Variants in SMIM35 observed in about 807,000 individuals in gnomAD.
SMIM35 encodes the protein small integral membrane protein 35, also known as TMPRSS4 antisense RNA 1 (non-protein coding).
chr11:118,031,138 T>C (rs1287694557), intron 1 of SMIM35, among the ~76,000 whole-genome samples: 1 of 152,176 alleles, frequency 6.6e-6, no homozygotes, highest in African/African-American at 2.4e-5. Flanking sequence ...ACACCTAGAA[T>C]AAATTTCGTG....
chr11:118,022,522 A>C (rs1363222339), intron 1 of SMIM35, among the ~76,000 whole-genome samples: 1 of 152,260 alleles, frequency 6.6e-6, no homozygotes, highest in African/African-American at 2.4e-5. Flanking sequence ...TGGGTAAAAG[A>C]AGATATCACA....
At chr11:118,033,357 T>C (rs59680485) in intron 1 of SMIM35, among the ~76,000 whole-genome samples, 5,668 of 152,292 alleles carry the variant, frequency 0.037, 187 homozygotes, top group East Asian at 0.19. Flanking sequence ...GAATACTTTT[T>C]AAAATCTACC....
intron 1 of SMIM35, among the ~76,000 whole-genome samples, chr11:118,051,550 G>C (rs1399463362): frequency 6.6e-6 from 1 of 152,200 alleles, no homozygotes; most frequent in South Asian, 2.1e-4. Flanking sequence ...GAGTCTCAGC[G>C]ATCCATTGCA....
chr11:118,039,349 C>A (rs1294307126), intron 1 of SMIM35, among the ~76,000 whole-genome samples: 2 of 152,164 alleles, frequency 1.3e-5, no homozygotes, highest in Non-Finnish European at 2.9e-5. Flanking sequence ...CTGGATCAGA[C>A]CAACACAGAT....
In SMIM35 at chr11:118,064,096, T is replaced by C. The variant is rs186895504; in HGVS notation, c.7+22655A>G. 2.2e-4 allele frequency among the ~76,000 whole-genome samples: 34 copies of C among 152,268 alleles called. No individual in the cohort carries two copies. The South Asian group carries it at 2.3e-3, about 10-fold the overall frequency. On this transcript the variant is annotated intron_variant, in intron 1 of 4. Transcript: ENST00000689828. ...ATCTGTTGCTATCTGGTAGATAGTG[T>C]GGGAATTGAGTTGACTCGAAGTGTC...
chr11:118,073,790 G>A (rs1387166907), intron 1 of SMIM35, among the ~76,000 whole-genome samples: 1 of 152,282 alleles, frequency 6.6e-6, no homozygotes, highest in Admixed American at 6.5e-5. Flanking sequence ...CTCTGGGTCA[G>A]CCCTCAGCAG....
intron 1 of SMIM35, among the ~76,000 whole-genome samples, chr11:118,061,154 G>A (rs999350315): frequency 3.3e-5 from 5 of 152,260 alleles, no homozygotes; most frequent in Admixed American, 6.5e-5. Context: ...CACAGTGGGA[G>A]TGATTGAGAG....
chr11:118,043,674 G>A (rs374069470), intron 1 of SMIM35, among the ~76,000 whole-genome samples: 9 of 152,018 alleles, frequency 5.9e-5, no homozygotes, highest in Admixed American at 3.3e-4. Flanking sequence ...ACTGGGCGTG[G>A]TGGTGGGCGC....
intron 1 of SMIM35, among the ~76,000 whole-genome samples, chr11:118,040,640 T>C (rs1307009804): frequency 6.6e-6 from 1 of 152,082 alleles, no homozygotes; most frequent in African/African-American, 2.4e-5. Context: ...CTAATTTGAA[T>C]ACGTACACAC....
chr11:118,010,524 A>G (rs1321278744), intron 4 of SMIM35, among the ~76,000 whole-genome samples: 2 of 152,222 alleles, frequency 1.3e-5, no homozygotes, highest in African/African-American at 4.8e-5. Context: ...CTAAAGACCT[A>G]TGGAACATAA....
rs1157843834 is a variant in SMIM35, at chr11:118,085,214, G to GATC, written c.7+1534_7+1536dup. Among the ~76,000 whole-genome samples the GATC allele has an allele frequency of 5.8e-3, 751 of 128,980 alleles. 8 individuals are homozygous for GATC. Among genetic ancestry groups the GATC allele is most frequent in the African/African-American group, 0.018 (697 of 37,726 alleles). The allele number at this position is 128,980 out of a possible 152,430, so 84.6% of individuals were successfully genotyped here. A position where few individuals can be genotyped will look rare whatever the true frequency, so the allele number is the denominator to read the frequency against. ...AGTTGTTCTACAGATGGAGGAGTCA[G>GATC]ATCTTCTTCTTCTTTTTTTTTTTTT... is the stretch of plus-strand genomic sequence containing the variant. On this transcript the variant is annotated intron_variant, in intron 1 of 4. Transcript: ENST00000689828.
intron 1 of SMIM35, among the ~76,000 whole-genome samples, chr11:118,072,663 T>G (rs1944590624): frequency 6.6e-6 from 1 of 152,206 alleles, no homozygotes; most frequent in Non-Finnish European, 1.5e-5. Context: ...AACCCCCAAG[T>G]GTTCTCTTTT....
intron 1 of SMIM35, among the ~76,000 whole-genome samples, chr11:118,056,393 C>T (rs569406697): frequency 6.6e-6 from 1 of 152,180 alleles, no homozygotes; most frequent in East Asian, 1.9e-4. Flanking sequence ...GAGGGGAGGC[C>T]TGGTGACTCC....
intron 4 of SMIM35, among the ~76,000 whole-genome samples, chr11:118,010,573 A>G (rs932490787): frequency 2.0e-5 from 3 of 152,228 alleles, no homozygotes; most frequent in Non-Finnish European, 4.4e-5. Context: ...GAGGAACAGC[A>G]CAAATGGAGG....
intron 1 of SMIM35, among the ~76,000 whole-genome samples, chr11:118,054,187 GTTTT>G (rs1555075112): frequency 4.1e-5 from 6 of 145,610 alleles, no homozygotes; most frequent in African/African-American, 1.5e-4. Context: ...GTTTGTTCTT[GTTTT>G]TTTGTTTGTT....
chr11:118,040,642 C>T (rs561553510), intron 1 of SMIM35, among the ~76,000 whole-genome samples: 8 of 151,710 alleles, frequency 5.3e-5, no homozygotes, highest in Admixed American at 6.6e-5. Flanking sequence ...AATTTGAATA[C>T]GTACACACAC....
At chr11:118,050,820 C>T (rs775168336) in intron 1 of SMIM35, among the ~76,000 whole-genome samples, 12 of 152,214 alleles carry the variant, frequency 7.9e-5, no homozygotes, top group Non-Finnish European at 1.5e-4. Context: ...TCCTTTGTCA[C>T]CTCTGCCACA....
chr11:118,021,455 T>C (rs1302458675), intron 1 of SMIM35, among the ~76,000 whole-genome samples: 3 of 152,152 alleles, frequency 2.0e-5, no homozygotes, highest in Non-Finnish European at 4.4e-5. Context: ...ATTCTTTTTA[T>C]AATTTCCAAT....
intron 4 of SMIM35, among the ~76,000 whole-genome samples, chr11:118,009,023 C>A (rs968861748): frequency 6.6e-6 from 1 of 152,164 alleles, no homozygotes; most frequent in Non-Finnish European, 1.5e-5. Flanking sequence ...ATCCATGGGT[C>A]TTACAGAAGT....
Sources: gnomAD v4.1 joint callset for allele counts (sites outside exome capture counted in the v4.1 genomes callset) on GRCh38, gnomAD v4.1.1 for gene constraint, MANE v1.5 for transcripts, NCBI Gene and HGNC (gene_info 2026-07-23, HGNC 2026-07-21) for gene names.